JMJD7: variants seen among roughly 807,000 people sequenced by gnomAD.
JMJD7 encodes jumonji domain containing 7.
In JMJD7, 41 loss-of-function variants were observed where a neutral mutation model predicts 41.1. The observed-to-expected ratio is 1.00, with a 90% CI of 0.78 to 1.30. The LOEUF (loss-of-function observed/expected upper bound fraction) is 1.30. Among genes scored for constraint, JMJD7 ranks in the 50% most tolerant of loss-of-function variants. The pLI is 0.00. For synonymous variants in JMJD7, 202 were observed against 177.2 expected, an observed-to-expected ratio of 1.14 and a Z score of -1.11; for missense variants, 480 against 420.7, an observed-to-expected ratio of 1.14 and a Z score of -1.23.
chr15:41,834,554 C>T (rs1480877385), intron 1 of JMJD7, among the ~76,000 whole-genome samples, 186 bp from the exon 2 acceptor site: 1 of 152,234 alleles, frequency 6.6e-6, no homozygotes, highest in Non-Finnish European at 1.5e-5. Context: ...GGTGTGTGTG[C>T]GTGATGCTTT....
At chr15:41,833,730 T>C (rs2065268328) in intron 1 of JMJD7, among the ~76,000 whole-genome samples, 1 of 152,000 alleles carries the variant, frequency 6.6e-6, no homozygotes, top group South Asian at 2.1e-4. Context: ...CTAAAATATA[T>C]AGCATGTCAG....
At chr15:41,828,859 C>G (rs1265336164) in intron 1 of JMJD7, among the ~76,000 whole-genome samples, 1 of 152,194 alleles carries the variant, frequency 6.6e-6, no homozygotes, top group Non-Finnish European at 1.5e-5. Flanking sequence ...GCTAAACACA[C>G]TCTTCTGCAC....
chr15:41,833,113 T>C (rs1378826304), intron 1 of JMJD7, among the ~76,000 whole-genome samples: 1 of 152,078 alleles, frequency 6.6e-6, no homozygotes, highest in Non-Finnish European at 1.5e-5. Context: ...CAATATGAGA[T>C]TGTATTTTCA....
At chr15:41,835,687 G>C in intron 4 of JMJD7, 43 bp downstream of exon 4, 2 of 1,594,792 alleles carry the variant, frequency 1.3e-6, no homozygotes, top group Non-Finnish European at 1.7e-6. Context: ...GAGCAGGTTG[G>C]GGCAGAGGGA....
chr15:41,833,414 ATTTTTTTTTTT>A (rs67111164), intron 1 of JMJD7, among the ~76,000 whole-genome samples: 2 of 32,012 alleles, frequency 6.2e-5, no homozygotes, highest in East Asian at 2.0e-3. Context: ...ATATATATAT[ATTTTTTTTTTT>A]TTTTTTTTTT....
chr15:41,828,717 T>C (rs556140118), intron 1 of JMJD7, among the ~76,000 whole-genome samples: 4 of 152,314 alleles, frequency 2.6e-5, no homozygotes, highest in African/African-American at 7.2e-5. Flanking sequence ...GTGATGGGTA[T>C]GTAATATACA....
At chr15:41,835,303 GA>G in intron 3 of JMJD7, 80 bp downstream of exon 3, 1 of 1,517,296 alleles carries the variant, frequency 6.6e-7, no homozygotes, top group Non-Finnish European at 8.8e-7. Flanking sequence ...GCCCTTAGGT[GA>G]TGACCTGGCC....
At position 41,828,175 on chromosome 15, in the gene JMJD7, G is replaced by C. The variant is rs773205918; in HGVS notation, c.51G>C (p.Pro17=). 10 of 1,495,260 alleles carry C rather than the reference G, an allele frequency of 6.7e-6. No individual in the cohort carries two copies. The highest frequency in any genetic ancestry group is 8.0e-6 in the Non-Finnish European group (9 of 1,131,408). The allele number at this position is 1,495,260 out of a possible 1,614,324, so 92.6% of individuals were successfully genotyped here. A position where few individuals can be genotyped will look rare whatever the true frequency, so the allele number is the denominator to read the frequency against. Reference sequence around the variant, plus strand: ...TGCGGAGCGAGTTACGAGAATTCCCGGCCGCTGCAAGGGGTGAGTGGCTCT... The same window carrying C: ...TGCGGAGCGAGTTACGAGAATTCCCCGCCGCTGCAAGGGGTGAGTGGCTCT... ...EAVRSELREF[P]AAARELCVPL... is the part of the protein sequence containing the mutation. The change falls in exon 1 of 8, where the codon CCG becomes CCC. Residue 17 remains proline (P), a synonymous_variant. Transcript: ENST00000397299.
intron 1 of JMJD7, among the ~76,000 whole-genome samples, chr15:41,833,404 A>ATTTTTTTTT (rs1567164783): frequency 2.4e-5 from 1 of 41,154 alleles, no homozygotes; most frequent in African/African-American, 7.3e-5. Flanking sequence ...ATATATATAT[A>ATTTTTTTTT]TATATATATA....
At chr15:41,834,341 C>T (rs1020059813) in intron 1 of JMJD7, among the ~76,000 whole-genome samples, 2 of 152,252 alleles carry the variant, frequency 1.3e-5, no homozygotes, top group African/African-American at 4.8e-5. Flanking sequence ...CCCAGAATAG[C>T]CCGTGGCCAT....
rs764250140 is a variant in JMJD7, at chr15:41,835,574, C to G, written c.473-14C>G. On this transcript the variant is annotated splice_polypyrimidine_tract_variant and intron_variant, in intron 3 of 7. Transcript: ENST00000397299. ...CTGGCCTTCCTAACTTGCTCTCTGCCTTCTGCCCTGCAGGAAAGATGCCCG... is the reference window on the plus strand; with the variant it reads ...CTGGCCTTCCTAACTTGCTCTCTGCGTTCTGCCCTGCAGGAAAGATGCCCG... The G allele has an allele frequency of 3.1e-6, 5 of 1,612,672 alleles. No individual in the cohort carries two copies. In the South Asian group the frequency reaches 5.5e-5, roughly 18 times the overall value.
chr15:41,837,106 A>G lies in JMJD7; in HGVS notation c.901A>G (p.Ser301Gly). ...WYDMEYDLKY[S>G]YFQLLDSLTK... The stretch of plus-strand genomic sequence containing the variant: ...TGACATGGAATACGACCTCAAGTAT[A>G]GTTACTTCCAGCTGCTCGACTCCCT... The change falls in exon 8 of 8, where the codon AGT becomes GGT. Residue 301 changes from serine to glycine, a missense_variant. Physicochemically the swap from Ser to Gly is moderately conservative, Grantham distance 56 (BLOSUM62 0). Transcript: ENST00000397299. The G allele has an allele frequency of 6.2e-7, 1 of 1,613,712 alleles. No homozygotes were observed. Among genetic ancestry groups the G allele is most frequent in the Non-Finnish European group, 8.5e-7 (1 of 1,179,730 alleles).
rs1184630600 is a variant in JMJD7 at position 41,828,199 on chromosome 15, C to G, written c.64+11C>G. Reference sequence around the variant, plus strand: ...CGGCCGCTGCAAGGGGTGAGTGGCTCTCCCACAGGCTGCGGCGATTTCCGA... The same window carrying G: ...CGGCCGCTGCAAGGGGTGAGTGGCTGTCCCACAGGCTGCGGCGATTTCCGA... On this transcript the variant is annotated intron_variant, in intron 1 of 7. Coordinates refer to ENST00000397299, the MANE Select transcript of JMJD7 (RefSeq NM_001114632.2). The G allele has an allele frequency of 5.3e-6, 8 of 1,502,206 alleles. No individual in the cohort carries two copies. Among genetic ancestry groups the G allele is most frequent in the Non-Finnish European group, 7.0e-6 (8 of 1,137,730 alleles). The allele number at this position is 1,502,206 out of a possible 1,614,324, so 93.1% of individuals were successfully genotyped here. A position where few individuals can be genotyped will look rare whatever the true frequency, so the allele number is the denominator to read the frequency against.
intron 1 of JMJD7, among the ~76,000 whole-genome samples, chr15:41,830,484 GC>G (rs1218097464): frequency 6.6e-6 from 1 of 152,216 alleles, no homozygotes; most frequent in Non-Finnish European, 1.5e-5. Flanking sequence ...ACAAGTGGGA[GC>G]CCCACCCCTT....
At chr15:41,834,142 C>T (rs930940051) in intron 1 of JMJD7, among the ~76,000 whole-genome samples, 21 of 152,220 alleles carry the variant, frequency 1.4e-4, no homozygotes, top group African/African-American at 3.9e-4. Flanking sequence ...AAACCATAGC[C>T]GAGCCCTTCC....
Position 41,835,219 on chromosome 15 carries a change from C to G in JMJD7, c.468C>G (p.Ala156=). The change falls in exon 3 of 8, where the codon GCC becomes GCG. Residue 156 remains alanine (A), a synonymous_variant. Coordinates refer to ENST00000397299, the MANE Select transcript of JMJD7 (RefSeq NM_001114632.2). The part of the protein sequence containing the change: ...LESHVPWASE[A]LGKMPDAVNF... ...CCCATGTGCCCTGGGCCTCCGAAGC[C>G]CTGGGTGAGTGGAGGTGGGGTGGTC... is the stretch of plus-strand genomic sequence containing the variant. 5 of 1,597,910 alleles carry G rather than the reference C, an allele frequency of 3.1e-6. No individual in the cohort carries two copies. Among genetic ancestry groups the G allele is most frequent in the Non-Finnish European group, 4.2e-6 (5 of 1,179,276 alleles).
rs755842279 is a variant in JMJD7, at chr15:41,828,187, G to A, written c.63G>A (p.Arg21=). The A allele has an allele frequency of 7.3e-6, 11 of 1,502,956 alleles. 2 individuals carry two copies. The South Asian group carries it at 1.4e-4, about 19-fold the overall frequency. The allele number at this position is 1,502,956 out of a possible 1,614,324, so 93.1% of individuals were successfully genotyped here. The part of the protein sequence containing the change: ...SELREFPAAA[R]ELCVPLAVPY... ...TACGAGAATTCCCGGCCGCTGCAAG[G>A]GGTGAGTGGCTCTCCCACAGGCTGC... Residue 21 remains arginine, a splice_region_variant and synonymous_variant, in exon 1 of 8, where the codon AGG becomes AGA. Transcript: ENST00000397299.
At chr15:41,836,077 G>C in intron 4 of JMJD7, 71 bp from the exon 5 acceptor site, 1 of 1,476,296 alleles carries the variant, frequency 6.8e-7, no homozygotes. Context: ...AGGGCTCTCA[G>C]CATGATGGTT....
chr15:41,835,252 T>C (rs764338229), intron 3 of JMJD7, 29 bp downstream of exon 3: 18 of 1,582,972 alleles, frequency 1.1e-5, no homozygotes, highest in Admixed American at 1.7e-5. Context: ...GTCGTGGCCC[T>C]GGACAGGGAA....
Sources: allele counts gnomAD v4.1 joint callset (sites outside exome capture counted in the v4.1 genomes callset), GRCh38; gene constraint gnomAD v4.1.1; transcripts MANE v1.5; gene names NCBI Gene and HGNC (gene_info 2026-07-23, HGNC 2026-07-21).